WWC2: variants seen among roughly 807,000 people sequenced by gnomAD.
The protein encoded by WWC2 is protein WWC2.
Under a neutral mutation model 138.5 loss-of-function variants are expected in WWC2, and 101 were observed. That is an observed-to-expected ratio of 0.73 (90% CI 0.62 to 0.86). WWC2 has a LOEUF of 0.86. Among genes scored for constraint, WWC2 ranks in the 40% least tolerant of loss-of-function variants. The pLI is 0.00. For missense variants in WWC2, 1,420 were observed against 1,419.4 expected (o/e 1.00, Z -0.01); for synonymous variants, 558 against 538.4 (o/e 1.04, Z -0.50).
chr4:183,308,056 A>G (rs1739082126), intron 21 of WWC2, among the ~76,000 whole-genome samples: 1 of 152,194 alleles, frequency 6.6e-6, no homozygotes, highest in Non-Finnish European at 1.5e-5. Flanking sequence ...TTAATATACA[A>G]AAGTTAATCA....
At chr4:183,187,077 A>G (rs370724552) in intron 1 of WWC2, among the ~76,000 whole-genome samples, 1 of 151,996 alleles carries the variant, frequency 6.6e-6, no homozygotes, top group East Asian at 1.9e-4. Flanking sequence ...TAGGGTGACA[A>G]ATTAGTTATC....
At position 183,319,261 on chromosome 4, in the gene WWC2, A is replaced by G. The variant is rs987873198; in HGVS notation, c.*3532A>G. 7.2e-6 allele frequency: 2 copies of G among 279,604 alleles called. No homozygotes were observed. Among genetic ancestry groups the G allele is most frequent in the Admixed American group, 9.4e-5 (2 of 21,178 alleles). 17.3% of individuals were successfully genotyped at this position (279,604 alleles called of 1,614,324 possible). A position where few individuals can be genotyped will look rare whatever the true frequency, so the allele number is the denominator to read the frequency against. On this transcript the variant is annotated 3_prime_UTR_variant, in exon 23 of 23. Transcript: ENST00000403733. ...CGCTCCATATGAATAATACCTTCAA[A>G]GATACATAGAGATTAATGTTTTATT...
chr4:183,281,077 GA>G, intron 17 of WWC2, 180 bp downstream of exon 17: 4 of 803,220 alleles, frequency 5.0e-6, no homozygotes, highest in Non-Finnish European at 5.4e-6. Context: ...GTAATGGCAA[GA>G]TTATGGGCAA....
chr4:183,108,804 T>C (rs1393366695), intron 1 of WWC2, among the ~76,000 whole-genome samples: 1 of 152,128 alleles, frequency 6.6e-6, no homozygotes, highest in Non-Finnish European at 1.5e-5. Context: ...AGAGATAGGG[T>C]TTCACCATGT....
At chr4:183,165,279 G>C (rs1177863193) in intron 1 of WWC2, among the ~76,000 whole-genome samples, 1 of 152,132 alleles carries the variant, frequency 6.6e-6, no homozygotes, top group African/African-American at 2.4e-5. Context: ...CTGGGGTTTG[G>C]TGTGTGGAGA....
chr4:183,289,389 C>G lies in WWC2; in HGVS notation c.3142-4C>G, dbSNP rs778166268. ...TGTTCGTCATTCCGTTTCTAACTAT[C>G]CAGACGGTTTGCCAGTCAGTCCTTA... On this transcript the variant is annotated splice_region_variant and splice_polypyrimidine_tract_variant and intron_variant, in intron 20 of 22. Coordinates refer to ENST00000403733, the MANE Select transcript of WWC2 (RefSeq NM_024949.6). The G allele has an allele frequency of 6.8e-6, 11 of 1,610,338 alleles. No individual in the cohort carries two copies. In the African/African-American group the frequency reaches 1.5e-4, roughly 21 times the overall value.
intron 1 of WWC2, among the ~76,000 whole-genome samples, chr4:183,106,967 T>C (rs536003513): frequency 6.6e-6 from 1 of 152,170 alleles, no homozygotes; most frequent in African/African-American, 2.4e-5. Flanking sequence ...CTGGGTCATA[T>C]GGCAGTTCTA....
intron 16 of WWC2, among the ~76,000 whole-genome samples, chr4:183,272,751 T>C (rs1737729811): frequency 6.6e-6 from 1 of 152,228 alleles, no homozygotes; most frequent in African/African-American, 2.4e-5. Flanking sequence ...AGCATAATAT[T>C]TTCAAGGTAC....
Position 183,312,260 on chromosome 4 carries a change from T to C in WWC2, c.3385-81T>C, listed in dbSNP as rs28391246. The C allele has an allele frequency of 1.7e-3, 2,679 of 1,565,678 alleles. 29 individuals are homozygous for C. In the African/African-American group the frequency reaches 0.032, roughly 19 times the overall value. ...TTGCCCTCCTGACTTTAGTCCACAA[T>C]CTTTGAAGCTTCATAGGATGTCTCC... On this transcript the variant is annotated intron_variant, in intron 21 of 22. Coordinates refer to ENST00000403733, the MANE Select transcript of WWC2 (RefSeq NM_024949.6).
At chr4:183,125,912 T>G (rs1732742531) in intron 1 of WWC2, among the ~76,000 whole-genome samples, 3 of 152,220 alleles carry the variant, frequency 2.0e-5, no homozygotes, top group Admixed American at 6.5e-5. Context: ...TTGGCCTTGT[T>G]CATGTCCACG....
At chr4:183,264,913 G>T in intron 11 of WWC2, 65 bp from the exon 12 acceptor site, 1 of 1,479,258 alleles carries the variant, frequency 6.8e-7, no homozygotes, top group Non-Finnish European at 9.0e-7. Context: ...AACTATGTAT[G>T]TATTTAATAC....
In WWC2 at chr4:183,265,085, G is replaced by A. The variant is rs763521050; in HGVS notation, c.2017G>A (p.Val673Ile). 1.4e-5 allele frequency: 23 copies of A among 1,609,874 alleles called. No homozygotes were observed. The highest frequency in any genetic ancestry group is 1.9e-5 in the Non-Finnish European group (22 of 1,178,302). The change falls in exon 12 of 23, where the codon GTC becomes ATC. Residue 673 changes from valine (V) to isoleucine (I), a missense_variant. Physicochemically the swap from Val to Ile is conservative, Grantham distance 29. Transcript: ENST00000403733. ...SDESVAGDSG[V>I]YEAFVKQPSE... ...TGAGTCTGTGGCTGGAGACAGTGGG[G>A]TCTATGAAGCTTTCGTGAAACAGTA...
At chr4:183,268,321 T>C (rs891689782) in intron 14 of WWC2, among the ~76,000 whole-genome samples, 7 of 152,192 alleles carry the variant, frequency 4.6e-5, no homozygotes, top group African/African-American at 1.7e-4. Context: ...TTTAAGGTAG[T>C]ATTAGAAGTT....
chr4:183,305,667 A>G (rs1739001886), intron 21 of WWC2, among the ~76,000 whole-genome samples: 1 of 152,204 alleles, frequency 6.6e-6, no homozygotes, highest in Non-Finnish European at 1.5e-5. Context: ...CAAACACAAA[A>G]TTATTCTTCA....
At chr4:183,126,729 T>C (rs546711720) in intron 1 of WWC2, among the ~76,000 whole-genome samples, 53 of 151,982 alleles carry the variant, frequency 3.5e-4, no homozygotes, top group African/African-American at 1.3e-3. Context: ...CACACTGGTT[T>C]ATTTTATTTT....
In WWC2 at chr4:183,099,633, G is replaced by A; in HGVS notation, c.131+11G>A. On this transcript the variant is annotated intron_variant, in intron 1 of 22. Coordinates refer to ENST00000403733, the MANE Select transcript of WWC2 (RefSeq NM_024949.6). ...CGACCCCCGGGACAGGTGGGCGCCG[G>A]CCGCGGGGGCGCGGGCCCGTTCGGA... 7.5e-7 allele frequency: 1 copy of A among 1,325,130 alleles called. No homozygotes were observed. Among genetic ancestry groups the A allele is most frequent in the Non-Finnish European group, 9.8e-7 (1 of 1,020,742 alleles). The allele number at this position is 1,325,130 out of a possible 1,614,324, so 82.1% of individuals were successfully genotyped here. A position where few individuals can be genotyped will look rare whatever the true frequency, so the allele number is the denominator to read the frequency against.
intron 1 of WWC2, among the ~76,000 whole-genome samples, chr4:183,166,507 T>G (rs1255391611): frequency 6.6e-6 from 1 of 152,196 alleles, no homozygotes; most frequent in Non-Finnish European, 1.5e-5. Flanking sequence ...GGATATTTTT[T>G]GCCTATAAAG....
chr4:183,146,411 G>C (rs140654740), intron 1 of WWC2, among the ~76,000 whole-genome samples: 1 of 152,220 alleles, frequency 6.6e-6, no homozygotes, highest in African/African-American at 2.4e-5. Context: ...GTAGGGGGTG[G>C]ATTCAGTTAT....
At chr4:183,183,807 A>C (rs1734714506) in intron 1 of WWC2, among the ~76,000 whole-genome samples, 1 of 151,758 alleles carries the variant, frequency 6.6e-6, no homozygotes, top group African/African-American at 2.4e-5. Context: ...AAAGGCAAAA[A>C]CTTGATATTT....
Sources: gnomAD v4.1 joint callset for allele counts (sites outside exome capture counted in the v4.1 genomes callset) on GRCh38, gnomAD v4.1.1 for gene constraint, MANE v1.5 for transcripts, NCBI Gene and HGNC (gene_info 2026-07-23, HGNC 2026-07-21) for gene names.